The following ANP32B variants were observed in gnomAD, a reference collection of about 807,000 sequenced individuals.
ANP32B encodes acidic nuclear phosphoprotein 32 family member B.
In ANP32B, 6 loss-of-function variants were observed where a neutral mutation model predicts 32.2. The ratio of observed to expected loss-of-function variants is 0.19; its 90% CI spans 0.10 to 0.37. ANP32B has a LOEUF of 0.37. Among genes scored for constraint, ANP32B ranks in the 10% least tolerant of loss-of-function variants. The pLI, the probability that ANP32B is intolerant of heterozygous loss-of-function variation, is 1.00. For missense variants in ANP32B, 204 were observed against 289.2 expected (o/e 0.71, Z 2.14); for synonymous variants, 98 against 105.8 (o/e 0.93, Z 0.45).
chr9:98,012,931 C>T (rs936469114), intron 6 of ANP32B, among the ~76,000 whole-genome samples: 17 of 152,170 alleles, frequency 1.1e-4, no homozygotes, highest in Admixed American at 9.8e-4. Flanking sequence ...GGGGTTTCAC[C>T]GTGTTAGCCA....
chr9:98,001,165 G>A (rs956604549), intron 3 of ANP32B, among the ~76,000 whole-genome samples: 4 of 138,076 alleles, frequency 2.9e-5, no homozygotes, highest in East Asian at 2.0e-4. Context: ...CCTTCTCCCC[G>A]CCACCCCCCT....
At chr9:98,009,131 A>G (rs967543361) in intron 4 of ANP32B, among the ~76,000 whole-genome samples, 2 of 152,246 alleles carry the variant, frequency 1.3e-5, no homozygotes, top group African/African-American at 4.8e-5. Context: ...TCAAATAACT[A>G]TATGTTAGAT....
In ANP32B at chr9:97,996,895, C is replaced by T. The variant is rs564348531; in HGVS notation, c.205-1661C>T. 1.8e-3 allele frequency among the ~76,000 whole-genome samples: 273 copies of T among 152,046 alleles called. 1 individual carries two copies. The highest frequency in any genetic ancestry group is 6.8e-3 in the Middle Eastern group (2 of 294). On this transcript the variant is annotated intron_variant, in intron 2 of 6. Coordinates refer to ENST00000339399, the MANE Select transcript of ANP32B (RefSeq NM_006401.3). ...GATTACAGGTGTGAGCCACCGTGCC[C>T]GGCCCACAAATTGTTTTTAACAAGA...
At chr9:98,014,160 A>G (rs892745373) in intron 6 of ANP32B, among the ~76,000 whole-genome samples, 2 of 151,980 alleles carry the variant, frequency 1.3e-5, no homozygotes, top group Non-Finnish European at 2.9e-5. Flanking sequence ...AAGAACCTGT[A>G]TGATTGGGAG....
chr9:98,015,500 T>C lies in ANP32B; in HGVS notation c.*69T>C. On this transcript the variant is annotated 3_prime_UTR_variant, in exon 7 of 7. Transcript: ENST00000339399. The stretch of plus-strand genomic sequence containing the variant: ...GGACTGCTCATGGATTTTGTAGCTG[T>C]TTAAAAAAAAAAAAAAGGTAGCTGT... 6.7e-7 allele frequency: 1 copy of C among 1,487,600 alleles called. No homozygotes were observed. Among genetic ancestry groups the C allele is most frequent in the Non-Finnish European group, 8.9e-7 (1 of 1,121,622 alleles). The allele number at this position is 1,487,600 out of a possible 1,614,324, so 92.2% of individuals were successfully genotyped here.
intron 4 of ANP32B, among the ~76,000 whole-genome samples, chr9:98,010,470 A>G (rs923741009): frequency 2.6e-5 from 4 of 152,156 alleles, no homozygotes; most frequent in African/African-American, 7.2e-5. Context: ...GCAAGTAAGC[A>G]AAGTGTGTTG....
chr9:97,995,913 A>C (rs1827895970), intron 2 of ANP32B, among the ~76,000 whole-genome samples: 1 of 150,168 alleles, frequency 6.7e-6, no homozygotes, highest in Non-Finnish European at 1.5e-5. Flanking sequence ...GCGACAGAGC[A>C]AGACTCTGTC....
Position 98,015,854 on chromosome 9 carries a change from A to ATTAT in ANP32B, c.*425_*426insATTT, listed in dbSNP as rs141652409. On this transcript the variant is annotated 3_prime_UTR_variant, in exon 7 of 7. Coordinates refer to ENST00000339399, the MANE Select transcript of ANP32B (RefSeq NM_006401.3). ...GCTTTGCTTTTTAATTATTATTATTATTTTTTTTACATTAGGACATTTTAT... is the reference window on the plus strand; with the variant it reads ...GCTTTGCTTTTTAATTATTATTATTATTATTTTTTTTTACATTAGGACATTTTAT... 2 of 961,764 alleles carry ATTAT rather than the reference A, an allele frequency of 2.1e-6. No individual in the cohort carries two copies. The highest frequency in any genetic ancestry group is 3.6e-5 in the African/African-American group (2 of 56,186). 59.6% of individuals were successfully genotyped at this position (961,764 alleles called of 1,614,324 possible). A position where few individuals can be genotyped will look rare whatever the true frequency, so the allele number is the denominator to read the frequency against.
At chr9:97,991,833 G>T (rs951714844) in intron 1 of ANP32B, among the ~76,000 whole-genome samples, 2 of 152,190 alleles carry the variant, frequency 1.3e-5, no homozygotes, top group African/African-American at 4.8e-5. Flanking sequence ...ACGAAGGATT[G>T]TAAAGTGATT....
Position 98,002,896 on chromosome 9 carries a change from T to G in ANP32B, c.328-2068T>G, listed in dbSNP as rs372222509. On this transcript the variant is annotated intron_variant, in intron 3 of 6. Coordinates refer to ENST00000339399, the MANE Select transcript of ANP32B (RefSeq NM_006401.3). ...TCTGAAATATAAATGGCTCATTCCT[T>G]TAAGTGGAGAATTTTTAGAGTGAAC... Among the ~76,000 whole-genome samples, 12 of 152,298 alleles carry G rather than the reference T, an allele frequency of 7.9e-5. No homozygotes were observed. The East Asian group carries it at 2.1e-3, about 27-fold the overall frequency.
intron 4 of ANP32B, among the ~76,000 whole-genome samples, chr9:98,009,996 T>G (rs543742115): frequency 6.6e-6 from 1 of 152,194 alleles, no homozygotes. Context: ...CTTTGTCCCT[T>G]CTACAGTTTT....
chr9:98,006,422 G>A (rs557793257), intron 4 of ANP32B, among the ~76,000 whole-genome samples: 1 of 151,048 alleles, frequency 6.6e-6, no homozygotes, highest in South Asian at 2.1e-4. Flanking sequence ...TTCCCGCACT[G>A]CGTATTTGTC....
At chr9:97,989,750 T>C (rs1206178878) in intron 1 of ANP32B, among the ~76,000 whole-genome samples, 1 of 152,130 alleles carries the variant, frequency 6.6e-6, no homozygotes, top group African/African-American at 2.4e-5. Flanking sequence ...TGCAAGGCAG[T>C]CTAGATCTCT....
At chr9:97,999,201 G>C (rs1476200577) in intron 3 of ANP32B, among the ~76,000 whole-genome samples, 1 of 152,152 alleles carries the variant, frequency 6.6e-6, no homozygotes, top group Non-Finnish European at 1.5e-5. Context: ...CTCTCTCCCT[G>C]CCTGATATTG....
At chr9:97,992,549 C>A (rs556534418) in intron 1 of ANP32B, among the ~76,000 whole-genome samples, 1 of 152,320 alleles carries the variant, frequency 6.6e-6, no homozygotes, top group African/African-American at 2.4e-5. Flanking sequence ...AATTCTTCTT[C>A]ACTTCACTTT....
chr9:98,010,583 A>C (rs932370523), intron 4 of ANP32B, among the ~76,000 whole-genome samples: 2 of 152,066 alleles, frequency 1.3e-5, no homozygotes, highest in African/African-American at 4.8e-5. Flanking sequence ...TGAGACTCCA[A>C]GGTGGAGTCA....
At chr9:97,994,246 AAG>A (rs1322221997) in intron 1 of ANP32B, among the ~76,000 whole-genome samples, 4 of 152,226 alleles carry the variant, frequency 2.6e-5, no homozygotes, top group African/African-American at 9.6e-5. Context: ...TCTGGGCCTT[AAG>A]GTAGACCCAG....
At chr9:98,011,839 G>T (rs897064308) in intron 5 of ANP32B, among the ~76,000 whole-genome samples, 5 of 152,292 alleles carry the variant, frequency 3.3e-5, no homozygotes, top group Middle Eastern at 3.4e-3. Flanking sequence ...TTGTGGTCCT[G>T]CCCTGAAAGA....
Position 98,015,434 on chromosome 9 carries a change from C to A in ANP32B, c.*3C>A. 1 of 1,549,488 alleles carries A rather than the reference C, an allele frequency of 6.5e-7. No individual in the cohort carries two copies. The highest frequency in any genetic ancestry group is 8.7e-7 in the Non-Finnish European group (1 of 1,146,740). ...ATGATGAAGGAGAAGATGATTAAGA[C>A]CCCAGATGACCTGCAGAAACAGAAC... is the stretch of plus-strand genomic sequence containing the variant. On this transcript the variant is annotated 3_prime_UTR_variant, in exon 7 of 7. Transcript: ENST00000339399.
Sources: allele counts gnomAD v4.1 joint callset (sites outside exome capture counted in the v4.1 genomes callset), GRCh38; gene constraint gnomAD v4.1.1; transcripts MANE v1.5; gene names NCBI Gene and HGNC (gene_info 2026-07-23, HGNC 2026-07-21).